The following AGGF1 variants were observed in gnomAD, a reference collection of about 807,000 sequenced individuals.
AGGF1 encodes angiogenic factor with G-patch and FHA domains 1.
A neutral mutation model predicts 86.5 loss-of-function variants in AGGF1; 56 were observed. The ratio of observed to expected loss-of-function variants is 0.65; its 90% CI spans 0.52 to 0.81. AGGF1 has a LOEUF of 0.81. Ranked by LOEUF, AGGF1 falls within the 30% of genes least tolerant of loss-of-function variation. The pLI, the probability that AGGF1 is intolerant of heterozygous loss-of-function variation, is 0.00. For missense variants in AGGF1, 816 were observed against 850.9 expected, an observed-to-expected ratio of 0.96 and a Z score of 0.51; for synonymous variants, 313 against 297.1, an observed-to-expected ratio of 1.05 and a Z score of -0.55.
chr5:77,040,803 C>G (rs901106237), intron 5 of AGGF1, among the ~76,000 whole-genome samples: 2 of 152,150 alleles, frequency 1.3e-5, no homozygotes, highest in Non-Finnish European at 2.9e-5. Flanking sequence ...CTGTCCTGTC[C>G]TTTCCTGTCC....
chr5:77,035,292 A>G (rs1323344442), intron 2 of AGGF1, among the ~76,000 whole-genome samples: 4 of 151,864 alleles, frequency 2.6e-5, no homozygotes, highest in African/African-American at 7.3e-5. Flanking sequence ...AATGTAACCA[A>G]CTTACCTTTT....
chr5:77,030,445 C>A lies in AGGF1; in HGVS notation c.-322C>A, dbSNP rs1366772115. 3 of 547,350 alleles carry A rather than the reference C, an allele frequency of 5.5e-6. No individual in the cohort carries two copies. Among genetic ancestry groups the A allele is most frequent in the Non-Finnish European group, 1.0e-5 (3 of 286,962 alleles). 33.9% of individuals were successfully genotyped at this position (547,350 alleles called of 1,614,324 possible). ...CAACTGGGGAGCTGCTGGAGCTCTT[C>A]TGGCCTCTGGTTTTCCGACTGCTTA... On this transcript the variant is annotated 5_prime_UTR_variant, in exon 1 of 14. It adds an upstream start codon to the 5' untranslated region. Coordinates refer to ENST00000312916, the MANE Select transcript of AGGF1 (RefSeq NM_018046.5).
At chr5:77,036,825 C>A (rs768071371) in intron 4 of AGGF1, 105 bp downstream of exon 4, 5 of 1,259,082 alleles carry the variant, frequency 4.0e-6, no homozygotes, top group Non-Finnish European at 5.7e-6. Context: ...GCAACTTTCA[C>A]CCCCCAGGTT....
chr5:77,032,455 G>A (rs1171585413), intron 1 of AGGF1, among the ~76,000 whole-genome samples: 1 of 150,658 alleles, frequency 6.6e-6, no homozygotes, highest in Non-Finnish European at 1.5e-5. Flanking sequence ...TGTAGTCCCA[G>A]CTACAGGCTG....
intron 8 of AGGF1, among the ~76,000 whole-genome samples, chr5:77,051,277 C>T (rs1280082748): frequency 6.6e-6 from 1 of 151,764 alleles, no homozygotes; most frequent in East Asian, 1.9e-4. Flanking sequence ...ACTAAAAATA[C>T]AAAAAATTAG....
intron 5 of AGGF1, among the ~76,000 whole-genome samples, chr5:77,043,899 A>T (rs1287608194): frequency 1.4e-5 from 2 of 141,066 alleles, no homozygotes; most frequent in African/African-American, 5.3e-5. Flanking sequence ...CACCTCCCAG[A>T]CGGGGTCTCG....
rs780255385 is a variant in AGGF1, at chr5:77,030,437, G to T, written c.-330G>T. The T allele has an allele frequency of 2.6e-5, 14 of 533,856 alleles. No homozygotes were observed. Among genetic ancestry groups the T allele is most frequent in the Non-Finnish European group, 4.3e-5 (12 of 278,434 alleles). The allele number at this position is 533,856 out of a possible 1,614,324, so 33.1% of individuals were successfully genotyped here. On this transcript the variant is annotated 5_prime_UTR_variant, in exon 1 of 14. Coordinates refer to ENST00000312916, the MANE Select transcript of AGGF1 (RefSeq NM_018046.5). ...TTCCGGCTCAACTGGGGAGCTGCTG[G>T]AGCTCTTCTGGCCTCTGGTTTTCCG...
intron 8 of AGGF1, among the ~76,000 whole-genome samples, chr5:77,049,989 A>T (rs377662022): frequency 2.6e-5 from 4 of 151,164 alleles, no homozygotes; most frequent in Non-Finnish European, 4.4e-5. Flanking sequence ...TATTTAACGG[A>T]CTGTAATGTG....
rs369078770 is a variant in AGGF1, at chr5:77,046,416, G to T, written c.940G>T (p.Ala314Ser). 1.9e-6 allele frequency: 3 copies of T among 1,613,786 alleles called. No individual in the cohort carries two copies. Among genetic ancestry groups the T allele is most frequent in the Non-Finnish European group, 1.7e-6 (2 of 1,179,940 alleles). ...AAGCTGCAATGAGGAAGAAAATTTC[G>T]CAAATATGAAAAAGAAGGCCAAAAT... ...HTSCNEEENF[A>S]NMKKKAKIGI... Residue 314 changes from alanine (A) to serine (S), a missense_variant, in exon 6 of 14, where the codon GCA (alanine) becomes TCA (serine). Physicochemically the swap from Ala to Ser is moderately conservative, Grantham distance 99. Coordinates refer to ENST00000312916, the MANE Select transcript of AGGF1 (RefSeq NM_018046.5).
At chr5:77,036,965 C>T (rs1746980904) in intron 4 of AGGF1, among the ~76,000 whole-genome samples, 1 of 152,124 alleles carries the variant, frequency 6.6e-6, no homozygotes, top group Non-Finnish European at 1.5e-5. Flanking sequence ...TCTCGAATTA[C>T]ATCTCAGACC....
At chr5:77,051,338 C>T (rs1747370023) in intron 8 of AGGF1, among the ~76,000 whole-genome samples, 1 of 150,796 alleles carries the variant, frequency 6.6e-6, no homozygotes, top group Admixed American at 6.6e-5. Flanking sequence ...GAGGCTGAGG[C>T]AGGAGAATGG....
At chr5:77,046,263 G>C (rs547095132) in intron 5 of AGGF1, 84 bp from the exon 6 acceptor site, 4 of 1,184,336 alleles carry the variant, frequency 3.4e-6, no homozygotes, top group Non-Finnish European at 5.1e-6. Context: ...TCACGAATTC[G>C]TTGAAACTTG....
intron 3 of AGGF1, 170 bp downstream of exon 3, chr5:77,035,913 A>G (rs1746960611): frequency 1.5e-6 from 1 of 663,378 alleles, no homozygotes; most frequent in Non-Finnish European, 2.6e-6. Context: ...AACCAGAATT[A>G]GAACTTCTTC....
intron 3 of AGGF1, among the ~76,000 whole-genome samples, chr5:77,036,252 A>G (rs1746965409): frequency 6.6e-6 from 1 of 152,132 alleles, no homozygotes; most frequent in East Asian, 1.9e-4. Context: ...AAGAACCTAG[A>G]TCTTTGTCTT....
At chr5:77,054,755 A>G (rs1237541075) in intron 10 of AGGF1, among the ~76,000 whole-genome samples, 1 of 152,184 alleles carries the variant, frequency 6.6e-6, no homozygotes, top group Non-Finnish European at 1.5e-5. Flanking sequence ...GTAATAATTT[A>G]ATAAAGACTG....
At chr5:77,043,209 G>A (rs1479723635) in intron 5 of AGGF1, among the ~76,000 whole-genome samples, 8 of 48,564 alleles carry the variant, frequency 1.6e-4, no homozygotes, top group African/African-American at 3.6e-4. Flanking sequence ...CCTCCCGGAC[G>A]GGGCGGCTGG....
chr5:77,054,724 T>C (rs1440535755), intron 10 of AGGF1, among the ~76,000 whole-genome samples: 1 of 152,170 alleles, frequency 6.6e-6, no homozygotes, highest in Non-Finnish European at 1.5e-5. Flanking sequence ...TAAAATAATT[T>C]AAAAAGTAAT....
In AGGF1 at chr5:77,063,306, C is replaced by G. The variant is rs1747601738; in HGVS notation, c.*54C>G. On this transcript the variant is annotated 3_prime_UTR_variant, in exon 14 of 14. Coordinates refer to ENST00000312916, the MANE Select transcript of AGGF1 (RefSeq NM_018046.5). ...TTTTTTTAAAAATAGAATTTGGAAA[C>G]TTATTTTTTCTCCCCAAAAGAATCA... 1 of 1,511,400 alleles carries G rather than the reference C, an allele frequency of 6.6e-7. No individual in the cohort carries two copies. The highest frequency in any genetic ancestry group is 1.4e-5 in the African/African-American group (1 of 71,820). 93.6% of individuals were successfully genotyped at this position (1,511,400 alleles called of 1,614,324 possible).
chr5:77,041,785 T>TATTTATTTA (rs1436551340), intron 5 of AGGF1, among the ~76,000 whole-genome samples: 3 of 112,982 alleles, frequency 2.7e-5, no homozygotes, highest in African/African-American at 1.1e-4. Flanking sequence ...CAAGAACTTT[T>TATTTATTTA]TTTATTTATT....
Sources: allele counts gnomAD v4.1 joint callset (sites outside exome capture counted in the v4.1 genomes callset), GRCh38; gene constraint gnomAD v4.1.1; transcripts MANE v1.5; gene names NCBI Gene and HGNC (gene_info 2026-07-23, HGNC 2026-07-21).